CCDC102B: variants seen among roughly 807,000 people sequenced by gnomAD.
CCDC102B encodes coiled-coil domain-containing protein 102B.
Under a neutral mutation model 57.4 loss-of-function variants are expected in CCDC102B, and 75 were observed. That is an observed-to-expected ratio of 1.31 (90% CI 1.08 to 1.58). The LOEUF (loss-of-function observed/expected upper bound fraction) is 1.58. CCDC102B is among the 40% of genes most tolerant of loss of function. The pLI is 0.00. For synonymous variants in CCDC102B, 206 were observed against 201.9 expected (o/e 1.02, Z -0.17); for missense variants, 636 against 582.6 (o/e 1.09, Z -0.94).
At position 68,862,394 on chromosome 18, in the gene CCDC102B, G is replaced by C. The variant is rs987642696; in HGVS notation, c.937-12275G>C. Reference sequence around the variant, plus strand: ...CCCTCACTTTAATGCAATTGAGTTAGGTATTACAAAATGGCAGTACTGATT... The same window carrying C: ...CCCTCACTTTAATGCAATTGAGTTACGTATTACAAAATGGCAGTACTGATT... On this transcript the variant is annotated intron_variant, in intron 4 of 7. Coordinates refer to ENST00000360242, the MANE Select transcript of CCDC102B (RefSeq NM_024781.3). 2.6e-5 allele frequency among the ~76,000 whole-genome samples: 4 copies of C among 152,014 alleles called. No individual in the cohort carries two copies. In the East Asian group the frequency reaches 7.7e-4, roughly 29 times the overall value.
chr18:68,995,244 C>A (rs530162704), intron 6 of CCDC102B, among the ~76,000 whole-genome samples: 1 of 152,210 alleles, frequency 6.6e-6, no homozygotes, highest in East Asian at 1.9e-4. Context: ...TGCAGCCTGA[C>A]AATGCTATAG....
chr18:69,023,995 A>G (rs1236334446), intron 7 of CCDC102B, among the ~76,000 whole-genome samples: 1 of 151,948 alleles, frequency 6.6e-6, no homozygotes, highest in Non-Finnish European at 1.5e-5. Flanking sequence ...AACAGCAACT[A>G]TTTGAAATAA....
intron 2 of CCDC102B, among the ~76,000 whole-genome samples, chr18:68,748,205 G>GGTGTGTGTGTGTGTGT (rs5825872): frequency 7.3e-6 from 1 of 137,596 alleles, no homozygotes; most frequent in Non-Finnish European, 1.6e-5. Context: ...TTATTAAACT[G>GGTGTGTGTGTGTGTGT]GTGTGTGTGT....
chr18:68,808,468 C>CG (rs2036113998), intron 1 of CCDC102B, among the ~76,000 whole-genome samples: 139 of 91,772 alleles, frequency 1.5e-3, no homozygotes, highest in Non-Finnish European at 2.0e-3. Context: ...GCTTTTACTA[C>CG]TTTTTTTTTT....
intron 4 of CCDC102B, among the ~76,000 whole-genome samples, chr18:68,855,476 A>T (rs866816999): frequency 5.3e-5 from 8 of 152,342 alleles, no homozygotes; most frequent in Middle Eastern, 6.8e-3. Flanking sequence ...CTGAAATATA[A>T]TTCTCATATC....
Position 68,909,372 on chromosome 18 carries a change from AC to A in CCDC102B, c.1263+11946del, listed in dbSNP as rs1380973818. Among the ~76,000 whole-genome samples, 13 of 152,264 alleles carry A rather than the reference AC, an allele frequency of 8.5e-5. No individual in the cohort carries two copies. In the South Asian group the frequency reaches 1.4e-3, roughly 17 times the overall value. ...AATATATCCCTCCCCTCCCCAAATG[AC>A]CTATGTTAAAGGAAGTTCTATATTC... On this transcript the variant is annotated intron_variant, in intron 6 of 7. Coordinates refer to ENST00000360242, the MANE Select transcript of CCDC102B (RefSeq NM_024781.3).
Position 68,856,615 on chromosome 18 carries a change from C to G in CCDC102B, c.936+10194C>G, listed in dbSNP as rs9964428. 9.9e-3 allele frequency among the ~76,000 whole-genome samples: 1,513 copies of G among 152,186 alleles called. 29 individuals carry two copies. Among genetic ancestry groups the G allele is most frequent in the African/African-American group, 0.034 (1,431 of 41,514 alleles). On this transcript the variant is annotated intron_variant, in intron 4 of 7. Coordinates refer to ENST00000360242, the MANE Select transcript of CCDC102B (RefSeq NM_024781.3). ...TGCACAGCCCCACTAACATTCATAT[C>G]CTATTATTTCAACTTCTGTATTAGC...
At chr18:68,747,924 T>A (rs2033686410) in intron 2 of CCDC102B, among the ~76,000 whole-genome samples, 1 of 152,148 alleles carries the variant, frequency 6.6e-6, no homozygotes, top group Non-Finnish European at 1.5e-5. Context: ...ATTTTTAATT[T>A]TTTGAGAAAC....
chr18:68,766,534 C>T (rs2034476054), intron 2 of CCDC102B, among the ~76,000 whole-genome samples: 1 of 152,148 alleles, frequency 6.6e-6, no homozygotes, highest in Non-Finnish European at 1.5e-5. Flanking sequence ...TCTGGTCCAC[C>T]AAAATCCATA....
At chr18:68,811,130 G>T (rs1230954429) in intron 1 of CCDC102B, among the ~76,000 whole-genome samples, 2 of 152,118 alleles carry the variant, frequency 1.3e-5, no homozygotes, top group Admixed American at 1.3e-4. Context: ...CCAAGTCTTT[G>T]CTATTGTGAA....
chr18:68,758,273 CACAT>C (rs2034126411), intron 2 of CCDC102B, among the ~76,000 whole-genome samples: 1 of 151,068 alleles, frequency 6.6e-6, no homozygotes. Context: ...ATAGAGGTAT[CACAT>C]ATGTATATAT....
chr18:68,770,151 A>G (rs12454555), intron 2 of CCDC102B, among the ~76,000 whole-genome samples: 10,200 of 152,238 alleles, frequency 0.067, 649 homozygotes, highest in African/African-American at 0.16. Context: ...CTCTGCATAC[A>G]CCTTTGAGGG....
At chr18:68,822,646 T>G (rs1118885) in intron 1 of CCDC102B, among the ~76,000 whole-genome samples, 65,612 of 151,964 alleles carry the variant, frequency 0.43, 15,457 homozygotes, top group East Asian at 0.86. Context: ...CCTCCCAGTA[T>G]TCCACAATGT....
intron 7 of CCDC102B, among the ~76,000 whole-genome samples, chr18:69,019,764 A>C (rs1378032221): frequency 6.6e-6 from 1 of 152,098 alleles, no homozygotes; most frequent in East Asian, 1.9e-4. Flanking sequence ...TGCTATGTTG[A>C]ATAGAAATGA....
intron 2 of CCDC102B, among the ~76,000 whole-genome samples, chr18:68,759,750 C>A (rs1212228978): frequency 1.3e-5 from 2 of 151,932 alleles, no homozygotes; most frequent in African/African-American, 4.8e-5. Flanking sequence ...AACAGGATAT[C>A]CAATACTCAA....
chr18:69,021,857 A>G (rs1251017566), intron 7 of CCDC102B, among the ~76,000 whole-genome samples: 1 of 152,136 alleles, frequency 6.6e-6, no homozygotes, highest in Admixed American at 6.6e-5. Flanking sequence ...ATTTATTTTT[A>G]ATCTAACAAT....
chr18:69,056,241 C>T (rs1402369008), downstream of CCDC102B, among the ~76,000 whole-genome samples: 1 of 151,960 alleles, frequency 6.6e-6, no homozygotes, highest in East Asian at 1.9e-4. Flanking sequence ...AAGATATTTG[C>T]TTCAGTGATT....
rs201214278 is a variant in CCDC102B, at chr18:68,738,993, C to CTTTTTT, written c.-67+22403_-67+22404insTTTTTT. The stretch of plus-strand genomic sequence containing the variant: ...GGCCATTGGACTGTAGATGAGCAGC[C>CTTTTTT]TTTTGTTTTTTTTTTTTTTAGACCA... On this transcript the variant is annotated intron_variant, in intron 2 of 3. Transcript: ENST00000578970. Among the ~76,000 whole-genome samples, 43 of 145,008 alleles carry CTTTTTT rather than the reference C, an allele frequency of 3.0e-4. 1 individual carries two copies. Among genetic ancestry groups the CTTTTTT allele is most frequent in the Middle Eastern group, 3.6e-3 (1 of 280 alleles).
intron 1 of CCDC102B, among the ~76,000 whole-genome samples, chr18:68,813,225 A>G (rs2036341011): frequency 6.6e-6 from 1 of 151,988 alleles, no homozygotes; most frequent in African/African-American, 2.4e-5. Flanking sequence ...TTTCGCCATA[A>G]TAAGATGGGC....
Sources: allele counts gnomAD v4.1 joint callset (sites outside exome capture counted in the v4.1 genomes callset), GRCh38; gene constraint gnomAD v4.1.1; transcripts MANE v1.5; gene names NCBI Gene and HGNC (gene_info 2026-07-23, HGNC 2026-07-21).